Variants in ITCH observed in about 807,000 individuals in gnomAD.
The protein encoded by ITCH is E3 ubiquitin-protein ligase Itchy homolog.
In ITCH, 28 loss-of-function variants were observed where a neutral mutation model predicts 126.8. That is an observed-to-expected ratio of 0.22 (90% CI 0.16 to 0.30). The LOEUF (loss-of-function observed/expected upper bound fraction) is 0.30. Among genes scored for constraint, ITCH ranks in the 10% least tolerant of loss-of-function variants. ITCH has a pLI of 1.00. For missense variants in ITCH, 631 were observed against 1,032.4 expected (o/e 0.61, Z 5.33); for synonymous variants, 342 against 340.0 (o/e 1.01, Z -0.06).
rs1006840924 is a variant in ITCH at position 34,457,587 on chromosome 20, C to T, written c.1295+113C>T. 6.7e-5 allele frequency: 49 copies of T among 734,566 alleles called. 3 individuals carry two copies. The Middle Eastern group carries it at 7.8e-4, about 12-fold the overall frequency. The allele number at this position is 734,566 out of a possible 1,614,324, so 45.5% of individuals were successfully genotyped here. A position where few individuals can be genotyped will look rare whatever the true frequency, so the allele number is the denominator to read the frequency against. On this transcript the variant is annotated intron_variant, in intron 13 of 24. Transcript: ENST00000374864. Reference sequence around the variant, plus strand: ...TGCCAAAGACCTAAAACGTTAATCACCTACATACTTTGGAAAGAGAAAATT... The same window carrying T: ...TGCCAAAGACCTAAAACGTTAATCATCTACATACTTTGGAAAGAGAAAATT...
intron 14 of ITCH, among the ~76,000 whole-genome samples, chr20:34,468,954 CAG>C (rs1242979248): frequency 1.3e-5 from 2 of 152,012 alleles, no homozygotes; most frequent in Non-Finnish European, 2.9e-5. Flanking sequence ...AACAGCGTAA[CAG>C]AATATAAAGT....
At chr20:34,411,294 G>A (rs1348776042) in intron 4 of ITCH, among the ~76,000 whole-genome samples, 3 of 152,010 alleles carry the variant, frequency 2.0e-5, no homozygotes, top group Non-Finnish European at 4.4e-5. Flanking sequence ...TGGGATTACA[G>A]GCATGCACCA....
intron 6 of ITCH, among the ~76,000 whole-genome samples, chr20:34,421,252 C>T (rs1317984574): frequency 6.6e-6 from 1 of 152,156 alleles, no homozygotes; most frequent in Non-Finnish European, 1.5e-5. Context: ...GTAGCTGGGA[C>T]TTCAGGTGCT....
chr20:34,422,185 C>T (rs1980867195), intron 6 of ITCH, among the ~76,000 whole-genome samples: 1 of 152,134 alleles, frequency 6.6e-6, no homozygotes, highest in Non-Finnish European at 1.5e-5. Flanking sequence ...GTGTCATCCC[C>T]ATTTTATATA....
rs962725156 is a variant in ITCH, at chr20:34,487,023, T to C, written c.2094-2243T>C. Among the ~76,000 whole-genome samples, 69 of 148,886 alleles carry C rather than the reference T, an allele frequency of 4.6e-4. 1 individual carries two copies. Among genetic ancestry groups the C allele is most frequent in the Non-Finnish European group, 9.4e-4 (63 of 67,136 alleles). On this transcript the variant is annotated intron_variant, in intron 20 of 24. Transcript: ENST00000374864. The stretch of plus-strand genomic sequence containing the variant: ...AAAGTATTTGTTAGGTTTTTTTTTT[T>C]TTTTTTTTGAGACGTAGTCTCTCTG...
intron 23 of ITCH, among the ~76,000 whole-genome samples, chr20:34,497,262 T>C (rs1989951099): frequency 6.6e-6 from 1 of 152,192 alleles, no homozygotes; most frequent in Admixed American, 6.5e-5. Context: ...CCCAAAGTGC[T>C]GGGATTACAG....
At chr20:34,477,622 C>T (rs970658660) in intron 16 of ITCH, 150 bp from the exon 17 acceptor site, 4 of 640,242 alleles carry the variant, frequency 6.2e-6, no homozygotes, top group Non-Finnish European at 1.1e-5. Context: ...AATGTATTTT[C>T]TGTATGTGTG....
intron 1 of ITCH, among the ~76,000 whole-genome samples, chr20:34,363,738 G>A (rs2037291710): frequency 6.6e-6 from 1 of 152,064 alleles, no homozygotes; most frequent in African/African-American, 2.4e-5. Flanking sequence ...CGGCGGGGCC[G>A]GCGCGGGCGA....
At chr20:34,469,478 CAG>C (rs1421223256) in intron 14 of ITCH, among the ~76,000 whole-genome samples, 1 of 151,976 alleles carries the variant, frequency 6.6e-6, no homozygotes, top group East Asian at 1.9e-4. Flanking sequence ...TTAGTAGAGA[CAG>C]AGTTTCAACA....
chr20:34,438,376 A>G (rs1168653865), intron 7 of ITCH, 98 bp from the exon 8 acceptor site: 1 of 1,322,278 alleles, frequency 7.6e-7, no homozygotes, highest in Admixed American at 1.8e-5. Context: ...AGCTCTTAAA[A>G]ACTTAGAAGT....
chr20:34,445,514 T>C, intron 11 of ITCH, 53 bp downstream of exon 11: 1 of 1,549,660 alleles, frequency 6.5e-7, no homozygotes, highest in Non-Finnish European at 8.9e-7. Context: ...TTCTAGCCCC[T>C]TCCAGCATAT....
intron 7 of ITCH, among the ~76,000 whole-genome samples, chr20:34,433,094 A>G (rs1232331342): frequency 6.6e-6 from 1 of 152,198 alleles, no homozygotes; most frequent in Non-Finnish European, 1.5e-5. Flanking sequence ...GTTTGAGACC[A>G]GCCTGGCCAA....
intron 2 of ITCH, among the ~76,000 whole-genome samples, chr20:34,389,367 G>A (rs1160961365): frequency 1.3e-5 from 2 of 151,980 alleles, no homozygotes; most frequent in Non-Finnish European, 2.9e-5. Context: ...GATCTGTGCA[G>A]TTCAAACCAG....
At chr20:34,476,336 C>G (rs539246553) in intron 16 of ITCH, 1 of 1,269,032 alleles carries the variant, frequency 7.9e-7, no homozygotes, top group Non-Finnish European at 1.1e-6. Context: ...CTCGCCTCCG[C>G]GCTCCGGCCC....
At position 34,489,291 on chromosome 20, in the gene ITCH, C is replaced by T. The variant is rs2146507793; in HGVS notation, c.2119C>T (p.Arg707Ter). Reference protein sequence around the residue: ...IRMVAEWRLSRGVEEQTQAFF... With the variant: ...IRMVAEWRLS ...AATGGTAGCTGAGTGGAGGTTGTCTCGAGGTGTTGAAGAACAGACACAAGC... is the reference window on the plus strand; with the variant it reads ...AATGGTAGCTGAGTGGAGGTTGTCTTGAGGTGTTGAAGAACAGACACAAGC... The change falls in exon 21 of 25, where the codon CGA becomes TGA. Residue 707 changes from arginine (R) to a stop codon, truncating the protein, a stop_gained. Coordinates refer to ENST00000374864, the MANE Select transcript of ITCH (RefSeq NM_031483.7). LOFTEE classifies it high-confidence loss of function. 5 of 1,613,406 alleles carry T rather than the reference C, an allele frequency of 3.1e-6. No homozygotes were observed. Among genetic ancestry groups the T allele is most frequent in the Admixed American group, 1.7e-5 (1 of 59,984 alleles).
At position 34,471,777 on chromosome 20, in the gene ITCH, T is replaced by TTG. The variant is rs10667439; in HGVS notation, c.1569+280_1569+281dup. ...TAAATGCATAGGTAAGATAATAGGT[T>TTG]TGTGTGTGTGTGTGTGTGTTTCAGG... is the stretch of plus-strand genomic sequence containing the variant. On this transcript the variant is annotated intron_variant, in intron 16 of 24. Transcript: ENST00000374864. 5.4e-4 allele frequency among the ~76,000 whole-genome samples: 29 copies of TTG among 53,886 alleles called. 2 individuals are homozygous for TTG. Among genetic ancestry groups the TTG allele is most frequent in the Admixed American group, 7.4e-4 (5 of 6,734 alleles). 35.4% of individuals were successfully genotyped at this position (53,886 alleles called of 152,430 possible). A position where few individuals can be genotyped will look rare whatever the true frequency, so the allele number is the denominator to read the frequency against.
chr20:34,387,463 T>C (rs1304066412), intron 2 of ITCH, among the ~76,000 whole-genome samples: 1 of 152,056 alleles, frequency 6.6e-6, no homozygotes, highest in African/African-American at 2.4e-5. Flanking sequence ...AGACCCTGTC[T>C]CTATCTCCCT....
intron 23 of ITCH, among the ~76,000 whole-genome samples, chr20:34,495,499 G>T (rs1989818813): frequency 6.6e-6 from 1 of 151,802 alleles, no homozygotes. Flanking sequence ...ACTTCTATGA[G>T]ATCGGCTTTC....
chr20:34,375,284 G>A (rs1002883952), intron 2 of ITCH, among the ~76,000 whole-genome samples: 4 of 148,320 alleles, frequency 2.7e-5, no homozygotes, highest in Admixed American at 1.4e-4. Context: ...CAGGTGATCC[G>A]CCTGCCTCGG....
Sources: allele counts gnomAD v4.1 joint callset (sites outside exome capture counted in the v4.1 genomes callset), GRCh38; gene constraint gnomAD v4.1.1; transcripts MANE v1.5; gene names NCBI Gene and HGNC (gene_info 2026-07-23, HGNC 2026-07-21).